Variants in MMS19 observed in about 807,000 individuals in gnomAD.
The protein encoded by MMS19 is MMS19 cytosolic iron-sulfur assembly component, also known as MMS19 nucleotide excision repair protein homolog.
MMS19 carries 77 observed loss-of-function variants against 129.8 expected under a neutral mutation model. The observed-to-expected ratio is 0.59, with a 90% CI of 0.49 to 0.72. The LOEUF (loss-of-function observed/expected upper bound fraction) is 0.72. Among genes scored for constraint, MMS19 ranks in the 30% least tolerant of loss-of-function variants. The pLI is 0.00. For missense variants in MMS19, 1,168 were observed against 1,266.3 expected (o/e 0.92, Z 1.18); for synonymous variants, 491 against 502.8 (o/e 0.98, Z 0.31).
rs1428913949 is a variant in MMS19 at position 97,459,442 on chromosome 10, G to C, written c.2824C>G (p.Leu942Val). 4.3e-6 allele frequency: 7 copies of C among 1,611,092 alleles called. No homozygotes were observed. In the African/African-American group the frequency reaches 9.3e-5, roughly 22 times the overall value. ...AGACTCATGACTTGGGGTGCTTCCA[G>C]TAGAAGAGGCTGAAGGCAGCTGAGG... is the stretch of plus-strand genomic sequence containing the variant. ...STLSCLQPLL[L>V]EAPQVMSLHV... Residue 942 changes from leucine (L) to valine (V), a missense_variant, in exon 28 of 31, where the codon CTG becomes GTG. By Grantham distance (32) the Leu-to-Val change is conservative. Transcript: ENST00000438925.
intron 19 of MMS19, among the ~76,000 whole-genome samples, chr10:97,463,307 G>A (rs2032571691): frequency 6.6e-6 from 1 of 152,104 alleles, no homozygotes; most frequent in African/African-American, 2.4e-5. Flanking sequence ...GAGCAGCTGG[G>A]ACTATAGGTG....
rs1320304687 is a variant in MMS19, at chr10:97,476,978, A to AT, written c.494-16dup. The AT allele has an allele frequency of 6.2e-7, 1 of 1,613,610 alleles. No homozygotes were observed. Among genetic ancestry groups the AT allele is most frequent in the African/African-American group, 1.3e-5 (1 of 74,922 alleles). On this transcript the variant is annotated splice_polypyrimidine_tract_variant and intron_variant, in intron 6 of 30. Coordinates refer to ENST00000438925, the MANE Select transcript of MMS19 (RefSeq NM_022362.5). ...GCTCTTTAGCTCTGGGAAGGAGAGA[A>AT]TAAGGTTACTATACTGTCCCACAGC...
In MMS19 at chr10:97,498,309, C is replaced by A; in HGVS notation, c.76G>T (p.Gly26Cys). The change falls in exon 1 of 31, where the codon GGT becomes TGT. Residue 26 changes from glycine to cysteine, a missense_variant. Gly to Cys is a radical substitution (Grantham distance 159, BLOSUM62 -3). Around this residue, in one of 3 missense-constraint regions of MMS19, gnomAD observed 329 missense variants for 328.6 expected, o/e 1.00. Coordinates refer to ENST00000438925, the MANE Select transcript of MMS19 (RefSeq NM_022362.5). ...LWGLVHDFVVGQQEGPADQVA... is the reference protein window; with the variant it reads ...LWGLVHDFVVCQQEGPADQVA... ...TGGTCAGCGGGGCCCTCTTGCTGAC[C>A]CACGACGAAGTCGTGCACGAGGCCC... The A allele has an allele frequency of 6.4e-7, 1 of 1,572,756 alleles. No individual in the cohort carries two copies. The highest frequency in any genetic ancestry group is 8.6e-7 in the Non-Finnish European group (1 of 1,166,398).
intron 18 of MMS19, 82 bp from the exon 19 acceptor site, chr10:97,464,095 C>T (rs970890463): frequency 6.8e-6 from 9 of 1,317,604 alleles, no homozygotes; most frequent in Non-Finnish European, 8.4e-6. Flanking sequence ...ATGAGAGGAA[C>T]AAAGAAGAGT....
At chr10:97,460,571 C>T (rs2031509484) in intron 25 of MMS19, 124 bp downstream of exon 25, 1 of 871,948 alleles carries the variant, frequency 1.1e-6, no homozygotes, top group Admixed American at 2.2e-5. Context: ...GACCCTGTCT[C>T]CAAAAAGAAA....
chr10:97,488,398 T>A (rs1420880991), intron 1 of MMS19, among the ~76,000 whole-genome samples: 1 of 152,180 alleles, frequency 6.6e-6, no homozygotes, highest in Non-Finnish European at 1.5e-5. Flanking sequence ...GAATTCCAGG[T>A]ACATATAGGC....
chr10:97,458,904 T>C lies in MMS19; in HGVS notation c.2965-4A>G. Reference sequence around the variant, plus strand: ...CCTGTGGTTTGTACGGCAGCAGCTGTGGAGTCAGAGGATATAATCAACCTT... The same window carrying C: ...CCTGTGGTTTGTACGGCAGCAGCTGCGGAGTCAGAGGATATAATCAACCTT... On this transcript the variant is annotated splice_region_variant and splice_polypyrimidine_tract_variant and intron_variant, in intron 29 of 30. Coordinates refer to ENST00000438925, the MANE Select transcript of MMS19 (RefSeq NM_022362.5). 1 of 1,613,920 alleles carries C rather than the reference T, an allele frequency of 6.2e-7. No individual in the cohort carries two copies. Among genetic ancestry groups the C allele is most frequent in the Non-Finnish European group, 8.5e-7 (1 of 1,179,832 alleles).
At chr10:97,482,733 T>TACACACAC (rs1450510190) in intron 2 of MMS19, among the ~76,000 whole-genome samples, 2 of 114,334 alleles carry the variant, frequency 1.7e-5, no homozygotes, top group African/African-American at 6.6e-5. Flanking sequence ...TGTGTGTATA[T>TACACACAC]ATATACACAC....
chr10:97,477,997 C>T (rs867854764), intron 4 of MMS19, 68 bp from the exon 5 acceptor site: 9 of 1,017,146 alleles, frequency 8.8e-6, no homozygotes, highest in African/African-American at 1.6e-5. Flanking sequence ...CACAACCCTA[C>T]GACAGGCCTA....
chr10:97,489,817 G>C (rs779644206), intron 1 of MMS19, among the ~76,000 whole-genome samples: 3 of 152,150 alleles, frequency 2.0e-5, no homozygotes, highest in African/African-American at 7.2e-5. Context: ...GTTTAGACTG[G>C]GGTTATGGGT....
At chr10:97,498,580 C>T (rs1466850866), upstream of MMS19, 1 of 629,196 alleles carries the variant, frequency 1.6e-6, no homozygotes, top group Non-Finnish European at 2.6e-6. Context: ...AGAGGGAAGG[C>T]GGCTGCTGGG....
At chr10:97,480,197 T>C (rs1301565625) in intron 3 of MMS19, 2 of 448,302 alleles carry the variant, frequency 4.5e-6, no homozygotes, top group African/African-American at 4.1e-5. Context: ...CCCCGAGCCC[T>C]ATGCAAATCA....
chr10:97,466,353 A>G (rs1223614362), intron 16 of MMS19, 151 bp downstream of exon 16: 4 of 766,478 alleles, frequency 5.2e-6, no homozygotes, highest in African/African-American at 1.7e-5. Context: ...CATCTCTCCA[A>G]CTGGTTAGCA....
intron 13 of MMS19, 94 bp from the exon 14 acceptor site, chr10:97,467,677 AAG>A: frequency 3.3e-6 from 4 of 1,213,112 alleles, no homozygotes; most frequent in Middle Eastern, 2.1e-4. Flanking sequence ...TCTTTCTTCC[AAG>A]AGATGGGGGT....
intron 2 of MMS19, among the ~76,000 whole-genome samples, chr10:97,482,950 T>C (rs1362148139): frequency 4.0e-5 from 6 of 150,780 alleles, no homozygotes; most frequent in African/African-American, 1.2e-4. Flanking sequence ...TTAGTAGAGA[T>C]GGGGTTTCAC....
chr10:97,465,801 T>C lies in MMS19; in HGVS notation c.1756+4A>G. On this transcript the variant is annotated splice_donor_region_variant and intron_variant, in intron 18 of 30. Coordinates refer to ENST00000438925, the MANE Select transcript of MMS19 (RefSeq NM_022362.5). ...GTCCGTTGGTGGTTATTCCTAGTAGTTACCTCTGTTCACTTGCCAGAGATG... is the reference window on the plus strand; with the variant it reads ...GTCCGTTGGTGGTTATTCCTAGTAGCTACCTCTGTTCACTTGCCAGAGATG... The C allele has an allele frequency of 2.5e-6, 4 of 1,611,004 alleles. No homozygotes were observed. Among genetic ancestry groups the C allele is most frequent in the Non-Finnish European group, 3.4e-6 (4 of 1,179,248 alleles).
At chr10:97,467,016 T>A in intron 14 of MMS19, 115 bp from the exon 15 acceptor site, 1 of 1,187,684 alleles carries the variant, frequency 8.4e-7, no homozygotes, top group Non-Finnish European at 1.2e-6. Context: ...AAGGCCTCTG[T>A]TGCCCAGGCT....
At chr10:97,469,607 G>T (rs770785071) in intron 11 of MMS19, 39 bp downstream of exon 11, 3 of 1,528,024 alleles carry the variant, frequency 2.0e-6, no homozygotes, top group East Asian at 2.3e-5. Flanking sequence ...CCTGACAATT[G>T]AAAGTTAACA....
chr10:97,492,383 G>C (rs2039060265), intron 1 of MMS19, among the ~76,000 whole-genome samples: 1 of 151,728 alleles, frequency 6.6e-6, no homozygotes, highest in South Asian at 2.1e-4. Flanking sequence ...GCTGAGGTAG[G>C]AGAATGGTGT....
Sources: gnomAD v4.1 joint callset for allele counts (sites outside exome capture counted in the v4.1 genomes callset) on GRCh38, gnomAD v4.1.1 for gene constraint, gnomAD v4.1.1 regional missense constraint, MANE v1.5 for transcripts, NCBI Gene and HGNC (gene_info 2026-07-23, HGNC 2026-07-21) for gene names.